The following MICU1 variants were observed in gnomAD, a reference collection of about 807,000 sequenced individuals.
MICU1 encodes the protein calcium uptake protein 1, mitochondrial.
A neutral mutation model predicts 56.8 loss-of-function variants in MICU1; 45 were observed. The ratio of observed to expected loss-of-function variants is 0.79; its 90% CI spans 0.62 to 1.02. The LOEUF (loss-of-function observed/expected upper bound fraction) is 1.02. MICU1 is among the 50% of genes least tolerant of loss of function. The pLI is 0.00. For missense variants in MICU1, 504 were observed against 587.1 expected, an observed-to-expected ratio of 0.86 and a Z score of 1.46; for synonymous variants, 186 against 195.1, an observed-to-expected ratio of 0.95 and a Z score of 0.39.
intron 10 of MICU1, among the ~76,000 whole-genome samples, chr10:72,385,254 C>T (rs970238705): frequency 2.0e-5 from 3 of 152,094 alleles, no homozygotes; most frequent in African/African-American, 7.2e-5. Context: ...CTTTGGGAGG[C>T]CGAGCTGGGC....
At chr10:72,622,954 T>A (rs933520496) in intron 1 of MICU1, among the ~76,000 whole-genome samples, 5 of 152,072 alleles carry the variant, frequency 3.3e-5, no homozygotes, top group Non-Finnish European at 7.4e-5. Flanking sequence ...ATAAAGCTAT[T>A]ACAATATTTT....
At position 72,566,838 on chromosome 10, in the gene MICU1, TATGATG is replaced by T. The variant is rs761449065; in HGVS notation, c.-1-50_-1-45del. The T allele has an allele frequency of 7.2e-5, 108 of 1,504,050 alleles. No homozygotes were observed. In the South Asian group the frequency reaches 8.6e-4, roughly 12 times the overall value. The allele number at this position is 1,504,050 out of a possible 1,614,324, so 93.2% of individuals were successfully genotyped here. On this transcript the variant is annotated intron_variant, in intron 1 of 11. Transcript: ENST00000361114. ...AATGTCACTCTTAGCTAGTGGTAGT[TATGATG>T]ATGATGATGATGATCCTACCAACAT...
chr10:72,382,001 CACACAT>C (rs1178583022), intron 10 of MICU1, among the ~76,000 whole-genome samples: 1 of 146,870 alleles, frequency 6.8e-6, no homozygotes, highest in Non-Finnish European at 1.5e-5. Flanking sequence ...CACACACACA[CACACAT>C]TAAGATGGAG....
At position 72,551,186 on chromosome 10, in the gene MICU1, T is replaced by C; in HGVS notation, c.486A>G (p.Gln162=). Residue 162 remains glutamine, a synonymous_variant, in exon 4 of 12, where the codon CAA becomes CAG. Transcript: ENST00000361114. ...TTCACTTTAGCAACTTACGTTCTGG[T>C]TGTTTTTCATTGGGTGTTATGGATC... ...FVRSITPNEK[Q]PEHLGLDQYI... is the part of the protein sequence containing the mutation. 1 of 1,598,690 alleles carries C rather than the reference T, an allele frequency of 6.3e-7. No individual in the cohort carries two copies. The highest frequency in any genetic ancestry group is 2.3e-5 in the East Asian group (1 of 44,402).
At position 72,538,400 on chromosome 10, in the gene MICU1, AGAT is replaced by A. The variant is rs149007403; in HGVS notation, c.494-4614_494-4612del. On this transcript the variant is annotated intron_variant, in intron 4 of 11. Coordinates refer to ENST00000361114, the MANE Select transcript of MICU1 (RefSeq NM_001195518.2). ...AATGTAAGTAGTCAATAACATGCAG[AGAT>A]GATAAGCCTCACTTGTCATTAGTGA... Among the ~76,000 whole-genome samples the A allele has an allele frequency of 3.2e-3, 491 of 152,298 alleles. 3 individuals carry two copies. The highest frequency in any genetic ancestry group is 0.025 in the Admixed American group (383 of 15,302).
intron 6 of MICU1, among the ~76,000 whole-genome samples, chr10:72,504,141 G>T (rs1467701380): frequency 1.3e-5 from 2 of 151,942 alleles, no homozygotes; most frequent in Non-Finnish European, 2.9e-5. Context: ...CTATTCTAAA[G>T]TTCATATGGA....
intron 5 of MICU1, among the ~76,000 whole-genome samples, chr10:72,518,236 G>A (rs1211223082): frequency 1.3e-5 from 2 of 151,918 alleles, no homozygotes; most frequent in African/African-American, 4.8e-5. Context: ...GTTTCACCAT[G>A]TTGGCCAGGC....
Position 72,512,100 on chromosome 10 carries a change from G to GTTTTTTTTTTTTTTTTTTTT in MICU1, c.538-3832_538-3831insAAAAAAAAAAAAAAAAAAAA, listed in dbSNP as rs1199987987. Among the ~76,000 whole-genome samples, 12 of 82,336 alleles carry GTTTTTTTTTTTTTTTTTTTT rather than the reference G, an allele frequency of 1.5e-4. 1 individual carries two copies. Among genetic ancestry groups the GTTTTTTTTTTTTTTTTTTTT allele is most frequent in the African/African-American group, 7.0e-4 (12 of 17,242 alleles). The allele number at this position is 82,336 out of a possible 152,430, so 54.0% of individuals were successfully genotyped here. A position where few individuals can be genotyped will look rare whatever the true frequency, so the allele number is the denominator to read the frequency against. On this transcript the variant is annotated intron_variant, in intron 5 of 11. Coordinates refer to ENST00000361114, the MANE Select transcript of MICU1 (RefSeq NM_001195518.2). ...ATCAATCTGGCATCCATACACAGTT[G>GTTTTTTTTTTTTTTTTTTTT]TTTTTTGTTTTTTTTTTTTTTTTTT...
At chr10:72,439,613 C>T (rs1864852422) in intron 8 of MICU1, among the ~76,000 whole-genome samples, 2 of 152,134 alleles carry the variant, frequency 1.3e-5, no homozygotes, top group African/African-American at 4.8e-5. Context: ...GTCAAATTGT[C>T]CCTGTTTGCA....
At chr10:72,509,305 T>C (rs913747835) in intron 5 of MICU1, 13 of 1,050,286 alleles carry the variant, frequency 1.2e-5, no homozygotes, top group South Asian at 1.2e-4. Flanking sequence ...AGAGGCAGCA[T>C]TGCAGGCATA....
chr10:72,458,709 T>G (rs1316541525), intron 8 of MICU1, among the ~76,000 whole-genome samples: 4 of 148,762 alleles, frequency 2.7e-5, no homozygotes, highest in Middle Eastern at 3.4e-3. Flanking sequence ...TTCCTGTTTT[T>G]TTTTTTTTTT....
chr10:72,512,107 G>GTTTTTTTTTTTTTTTTTTTT (rs869183579), intron 5 of MICU1, among the ~76,000 whole-genome samples: 1 of 29,506 alleles, frequency 3.4e-5, no homozygotes, highest in African/African-American at 9.3e-5. Context: ...GTTGTTTTTT[G>GTTTTTTTTTTTTTTTTTTTT]TTTTTTTTTT....
chr10:72,393,561 A>G (rs991137049), intron 10 of MICU1, among the ~76,000 whole-genome samples: 2 of 152,078 alleles, frequency 1.3e-5, no homozygotes, highest in Non-Finnish European at 2.9e-5. Flanking sequence ...GAAAAAAACG[A>G]TATTTTATGA....
At chr10:72,505,201 A>G (rs888455477) in intron 6 of MICU1, among the ~76,000 whole-genome samples, 1 of 150,198 alleles carries the variant, frequency 6.7e-6, no homozygotes, top group Non-Finnish European at 1.5e-5. Context: ...CTGATCTTGA[A>G]CTCCTGACCT....
intron 5 of MICU1, chr10:72,523,771 C>T: frequency 7.1e-7 from 1 of 1,400,820 alleles, no homozygotes; most frequent in Non-Finnish European, 9.4e-7. Context: ...ATTAAAGAGC[C>T]CAAGCCTTCA....
At chr10:72,380,762 T>C (rs1278812122) in intron 10 of MICU1, among the ~76,000 whole-genome samples, 1 of 152,216 alleles carries the variant, frequency 6.6e-6, no homozygotes, top group South Asian at 2.1e-4. Flanking sequence ...TGGGTCCACA[T>C]GATCCCTTCC....
intron 6 of MICU1, chr10:72,477,603 T>C (rs1203565269): frequency 4.1e-6 from 6 of 1,462,994 alleles, no homozygotes; most frequent in South Asian, 2.4e-5. Context: ...GTATTACTTA[T>C]CTGGGCAAGA....
chr10:72,607,931 T>C (rs569722778), intron 1 of MICU1, among the ~76,000 whole-genome samples: 1 of 152,282 alleles, frequency 6.6e-6, no homozygotes, highest in East Asian at 1.9e-4. Flanking sequence ...CAGACATTGG[T>C]TAGGGTGGGA....
intron 4 of MICU1, 43 bp downstream of exon 4, chr10:72,551,136 C>A: frequency 6.5e-7 from 1 of 1,540,698 alleles, no homozygotes; most frequent in East Asian, 2.3e-5. Context: ...TAGCCTATAA[C>A]AAAATAAATA....
Sources: gnomAD v4.1 joint callset for allele counts (sites outside exome capture counted in the v4.1 genomes callset) on GRCh38, gnomAD v4.1.1 for gene constraint, MANE v1.5 for transcripts, NCBI Gene and HGNC (gene_info 2026-07-23, HGNC 2026-07-21) for gene names.